TTLL11: variants seen among roughly 807,000 people sequenced by gnomAD.
TTLL11 encodes tubulin tyrosine ligase like 11.
In TTLL11, 42 loss-of-function variants were observed where a neutral mutation model predicts 51.7. The observed-to-expected ratio is 0.81, with a 90% CI of 0.64 to 1.05. The LOEUF is 1.05. TTLL11 is among the 50% of genes least tolerant of loss of function. The pLI, the probability that TTLL11 is intolerant of heterozygous loss-of-function variation, is 0.00. For missense variants in TTLL11, 799 were observed against 940.4 expected (o/e 0.85, Z 1.97); for synonymous variants, 381 against 383.5 (o/e 0.99, Z 0.08).
chr9:122,000,918 C>T (rs1843441961), intron 3 of TTLL11, among the ~76,000 whole-genome samples: 1 of 152,212 alleles, frequency 6.6e-6, no homozygotes, highest in Non-Finnish European at 1.5e-5. Flanking sequence ...AACAGTAATA[C>T]ATAACAGTAA....
At chr9:121,870,280 T>C (rs754671796) in intron 7 of TTLL11, among the ~76,000 whole-genome samples, 4 of 152,110 alleles carry the variant, frequency 2.6e-5, no homozygotes, top group Admixed American at 2.0e-4. Flanking sequence ...ATCATGAACA[T>C]AAGGTTGCAA....
At chr9:121,932,659 T>C (rs1309179624) in intron 6 of TTLL11, among the ~76,000 whole-genome samples, 1 of 152,138 alleles carries the variant, frequency 6.6e-6, no homozygotes, top group African/African-American at 2.4e-5. Flanking sequence ...CCTTTCATAG[T>C]AGTACGGCAG....
intron 6 of TTLL11, among the ~76,000 whole-genome samples, chr9:121,889,140 A>G (rs549242642): frequency 6.6e-6 from 1 of 152,280 alleles, no homozygotes; most frequent in East Asian, 1.9e-4. Context: ...TTCTCACAAC[A>G]ACCCTATGAG....
At chr9:121,831,968 T>C (rs1314705204) in intron 8 of TTLL11, among the ~76,000 whole-genome samples, 3 of 152,192 alleles carry the variant, frequency 2.0e-5, no homozygotes, top group African/African-American at 7.2e-5. Flanking sequence ...GCTCTCTTCC[T>C]GGTTTGCAGA....
At chr9:122,019,231 CCTTT>C (rs1347798074) in intron 3 of TTLL11, among the ~76,000 whole-genome samples, 2 of 152,188 alleles carry the variant, frequency 1.3e-5, no homozygotes, top group Non-Finnish European at 1.5e-5. Context: ...AATAGAACAG[CCTTT>C]CTAATAGGTC....
chr9:122,041,095 C>T (rs904800462), intron 1 of TTLL11, among the ~76,000 whole-genome samples: 2 of 152,158 alleles, frequency 1.3e-5, no homozygotes, highest in African/African-American at 4.8e-5. Context: ...TGCTTACCAC[C>T]CTCATGAATA....
intron 6 of TTLL11, among the ~76,000 whole-genome samples, chr9:121,876,323 T>C (rs1838563171): frequency 6.6e-6 from 1 of 152,250 alleles, no homozygotes; most frequent in South Asian, 2.1e-4. Context: ...GAGAAGTTGC[T>C]TGAGTTAATT....
chr9:121,958,650 C>T (rs1437139082), intron 6 of TTLL11, among the ~76,000 whole-genome samples: 1 of 152,278 alleles, frequency 6.6e-6, no homozygotes, highest in African/African-American at 2.4e-5. Flanking sequence ...AACCTACCCT[C>T]GAACACATAG....
intron 1 of TTLL11, among the ~76,000 whole-genome samples, chr9:122,087,487 T>C (rs149806748): frequency 1.1e-4 from 16 of 152,308 alleles, no homozygotes; most frequent in Middle Eastern, 3.4e-3. Flanking sequence ...CAGGGAACAA[T>C]GCATGATTTG....
chr9:122,083,908 G>A (rs969581578), intron 1 of TTLL11, among the ~76,000 whole-genome samples: 7 of 152,168 alleles, frequency 4.6e-5, no homozygotes, highest in African/African-American at 1.4e-4. Context: ...AAGGGAGGGG[G>A]ATGGGGTAGG....
intron 3 of TTLL11, among the ~76,000 whole-genome samples, chr9:121,994,968 C>T (rs1843210656): frequency 6.6e-6 from 1 of 152,104 alleles, no homozygotes; most frequent in Non-Finnish European, 1.5e-5. Context: ...AAAGGATAAT[C>T]CCCCTATGTC....
chr9:121,877,675 C>T (rs1838619111), intron 6 of TTLL11, among the ~76,000 whole-genome samples: 1 of 152,200 alleles, frequency 6.6e-6, no homozygotes, highest in South Asian at 2.1e-4. Context: ...ATTAATTGCA[C>T]ATACTATGTG....
intron 1 of TTLL11, among the ~76,000 whole-genome samples, chr9:122,053,377 A>G (rs993868498): frequency 6.6e-6 from 1 of 152,110 alleles, no homozygotes; most frequent in Non-Finnish European, 1.5e-5. Context: ...GGACTATAGG[A>G]CAGCAGAGAT....
chr9:122,018,752 T>G (rs1844071432), intron 3 of TTLL11, among the ~76,000 whole-genome samples: 1 of 152,208 alleles, frequency 6.6e-6, no homozygotes, highest in Non-Finnish European at 1.5e-5. Flanking sequence ...TTGACTTCAC[T>G]ATGTGGACAA....
chr9:121,836,458 G>T (rs1837181475), intron 8 of TTLL11, among the ~76,000 whole-genome samples: 1 of 152,116 alleles, frequency 6.6e-6, no homozygotes, highest in African/African-American at 2.4e-5. Flanking sequence ...GCCCCAGGAG[G>T]TCCCTTCTCA....
chr9:121,961,854 A>G (rs57464258), intron 6 of TTLL11, among the ~76,000 whole-genome samples: 11,780 of 152,138 alleles, frequency 0.077, 692 homozygotes, highest in African/African-American at 0.16. Context: ...TCAGGAGTTC[A>G]AGACCAGCCT....
chr9:122,077,854 G>T (rs1184756734), intron 1 of TTLL11, among the ~76,000 whole-genome samples: 1 of 150,102 alleles, frequency 6.7e-6, no homozygotes, highest in African/African-American at 2.4e-5. Flanking sequence ...AAAAAAGATG[G>T]GAGGAAGGAG....
intron 8 of TTLL11, among the ~76,000 whole-genome samples, chr9:121,848,357 C>T (rs371856942): frequency 1.5e-5 from 2 of 135,444 alleles, no homozygotes; most frequent in African/African-American, 3.2e-5. Context: ...AAGAAAAAGT[C>T]CCCCCCCTTA....
intron 6 of TTLL11, among the ~76,000 whole-genome samples, chr9:121,955,686 T>A (rs1055845277): frequency 1.3e-5 from 2 of 152,182 alleles, no homozygotes; most frequent in Non-Finnish European, 2.9e-5. Flanking sequence ...CAAGGCTACA[T>A]CCTCATTTAT....
Sources: gnomAD v4.1 joint callset for allele counts (sites outside exome capture counted in the v4.1 genomes callset) on GRCh38, gnomAD v4.1.1 for gene constraint, MANE v1.5 for transcripts, NCBI Gene and HGNC (gene_info 2026-07-23, HGNC 2026-07-21) for gene names.